Variants in ALDH3B2 observed in about 807,000 individuals in gnomAD.
ALDH3B2 encodes the protein aldehyde dehydrogenase 3 family member B2, also known as aldehyde dehydrogenase family 3 member B2.
In ALDH3B2, 45 loss-of-function variants were observed where a neutral mutation model predicts 36.7. The ratio of observed to expected loss-of-function variants is 1.23; its 90% confidence interval spans 0.97 to 1.57. The LOEUF is 1.57. Among genes scored for constraint, ALDH3B2 ranks in the 40% most tolerant of loss-of-function variants. The probability of loss-of-function intolerance (pLI) is 0.00; values close to 1 mark genes in which losing one functional copy is unlikely to be tolerated. For synonymous variants in ALDH3B2, 217 were observed against 226.5 expected (o/e 0.96, Z 0.38); for missense variants, 464 against 513.3 (o/e 0.90, Z 0.93).
chr11:67,667,499 C>T (rs181666182), exon 2 of ALDH3B2: 119 of 388,414 alleles, frequency 3.1e-4, no homozygotes, highest in African/African-American at 2.1e-3. Flanking sequence ...GCCAGCACGT[C>T]GCGCAGAAGC....
At chr11:67,679,594 A>G (rs962688104), upstream of ALDH3B2, among the ~76,000 whole-genome samples, 3 of 152,082 alleles carry the variant, frequency 2.0e-5, no homozygotes, top group Non-Finnish European at 4.4e-5. Flanking sequence ...CCTAGCTAAC[A>G]CAGTGAAACC....
chr11:67,674,510 G>C, exon 1 of ALDH3B2: 1 of 158,132 alleles, frequency 6.3e-6, no homozygotes, highest in South Asian at 2.0e-4. Context: ...CTCCAGATGC[G>C]CAGGCTCTGC....
rs1397505996 is a variant in ALDH3B2 at position 67,667,497 on chromosome 11, G to A, written c.-106C>T. ...CCTTATGCAGGTCCTGGGCCAGCAC[G>A]TCGCGCAGAAGCTGCTTGTTTTCTT... On this transcript the variant is annotated 5_prime_UTR_variant, in exon 2 of 10. The change creates a new upstream start codon in the 5' untranslated region. Coordinates refer to ENST00000349015, the Ensembl canonical transcript of ALDH3B2. 1.3e-5 allele frequency: 5 copies of A among 389,176 alleles called. No individual in the cohort carries two copies. Among genetic ancestry groups the A allele is most frequent in the African/African-American group, 2.1e-5 (1 of 47,220 alleles). The allele number at this position is 389,176 out of a possible 1,614,324, so 24.1% of individuals were successfully genotyped here. A position where few individuals can be genotyped will look rare whatever the true frequency, so the allele number is the denominator to read the frequency against.
intron 3 of ALDH3B2, 64 bp downstream of exon 3, chr11:67,666,842 G>C: frequency 6.2e-7 from 1 of 1,612,880 alleles, no homozygotes; most frequent in African/African-American, 1.3e-5. Context: ...GGGCAGAAGG[G>C]GGCCTGGGCC....
At chr11:67,673,371 A>G (rs1856185854) in intron 1 of ALDH3B2, among the ~76,000 whole-genome samples, 2 of 152,182 alleles carry the variant, frequency 1.3e-5, no homozygotes, top group Non-Finnish European at 2.9e-5. Context: ...TACACACGGA[A>G]CAATGACACC....
intron 1 of ALDH3B2, among the ~76,000 whole-genome samples, chr11:67,671,705 C>T (rs1158944393): frequency 6.6e-6 from 1 of 151,822 alleles, no homozygotes; most frequent in East Asian, 1.9e-4. Context: ...CACCACCACG[C>T]CCAAATAATT....
At chr11:67,669,692 CTG>C (rs1366195913) in intron 1 of ALDH3B2, among the ~76,000 whole-genome samples, 1 of 131,092 alleles carries the variant, frequency 7.6e-6, no homozygotes, top group African/African-American at 2.9e-5. Context: ...GTATGGGTGT[CTG>C]TGTGTGTATG....
chr11:67,675,860 CTGTTT>C (rs376706403), upstream of ALDH3B2, among the ~76,000 whole-genome samples: 3 of 152,184 alleles, frequency 2.0e-5, no homozygotes, highest in East Asian at 3.8e-4. Flanking sequence ...TCTCAATAAG[CTGTTT>C]TGTTTTGTTT....
intron 8 of ALDH3B2, chr11:67,664,193 C>A (rs1288117117): frequency 3.9e-6 from 3 of 773,128 alleles, no homozygotes; most frequent in Non-Finnish European, 6.2e-6. Context: ...AGGATGGACC[C>A]GCTAAGTGTC....
chr11:67,667,021 G>C lies in ALDH3B2; in HGVS notation c.-81-5C>G. 2.6e-6 allele frequency: 4 copies of C among 1,557,922 alleles called. No homozygotes were observed. The highest frequency in any genetic ancestry group is 3.5e-6 in the Non-Finnish European group (4 of 1,130,908). On this transcript the variant is annotated splice_region_variant and splice_polypyrimidine_tract_variant and intron_variant, in intron 2 of 9. Coordinates refer to ENST00000349015, the Ensembl canonical transcript of ALDH3B2. ...TATGTCTGCCTCGAAAGCTGGCTGT[G>C]GTGGAGGTGGAATTCAGAGTGGTCA... is the stretch of plus-strand genomic sequence containing the variant.
At chr11:67,663,723 G>C (rs766887079) in exon 9 of ALDH3B2, 10 of 1,613,046 alleles carry the variant, frequency 6.2e-6, no homozygotes, top group Non-Finnish European at 7.6e-6. Flanking sequence ...TGCCTCCAAA[G>C]CTGCCGCTGC....
chr11:67,672,515 G>A (rs556264504), intron 1 of ALDH3B2, among the ~76,000 whole-genome samples: 16 of 151,852 alleles, frequency 1.1e-4, no homozygotes, highest in Non-Finnish European at 1.9e-4. Flanking sequence ...GCTGTGTCCC[G>A]ACCACCTTGG....
At chr11:67,663,845 CCTCATCCT>C in intron 8 of ALDH3B2, 84 bp from the exon 9 acceptor site, 4 of 1,172,076 alleles carry the variant, frequency 3.4e-6, no homozygotes, top group Admixed American at 2.4e-5. Context: ...CGGAGGTGAG[CCTCATCCT>C]CACCTGCCCC....
At chr11:67,667,690 C>A (rs966173418) in intron 1 of ALDH3B2, 55 bp from the exon 2 acceptor site, 2 of 272,036 alleles carry the variant, frequency 7.4e-6, no homozygotes, top group East Asian at 7.7e-5. Flanking sequence ...CCTTCACGGG[C>A]ACCCTCCAGC....
At chr11:67,664,753 G>A (rs927597698) in intron 7 of ALDH3B2, among the ~76,000 whole-genome samples, 191 bp from the exon 8 acceptor site, 1 of 152,192 alleles carries the variant, frequency 6.6e-6, no homozygotes, top group Non-Finnish European at 1.5e-5. Flanking sequence ...GGGACCCTAG[G>A]GCTTCCCCAG....
In ALDH3B2 at chr11:67,665,398, G is replaced by A. The variant is rs61737913; in HGVS notation, c.593C>T (p.Ser198Phe). The A allele has an allele frequency of 2.8e-3, 4,503 of 1,614,084 alleles. 120 individuals are homozygous for A. The African/African-American group carries it at 0.055, about 20-fold the overall frequency. ...GTTGATGATGTGGCCCAGGTTTGGGGAGCTCTGGGGGTCGTCGCCATAGAA... is the reference window on the plus strand; with the variant it reads ...GTTGATGATGTGGCCCAGGTTTGGGAAGCTCTGGGGGTCGTCGCCATAGAA... The change falls in exon 7 of 10, where the codon TCC (serine) becomes TTC (phenylalanine). Residue 198 changes from serine to phenylalanine, a missense_variant. Transcript: ENST00000349015.
In ALDH3B2 at chr11:67,666,416, G is replaced by A; in HGVS notation, c.152-15C>T. ...CACGCAACTCCCTGCAGGGGCAGATGGGGACGTCGTTGGGGGAGCCCAGGG... is the reference window on the plus strand; with the variant it reads ...CACGCAACTCCCTGCAGGGGCAGATAGGGACGTCGTTGGGGGAGCCCAGGG... On this transcript the variant is annotated splice_polypyrimidine_tract_variant and intron_variant, in intron 4 of 9. Coordinates refer to ENST00000349015, the Ensembl canonical transcript of ALDH3B2. The A allele has an allele frequency of 1.2e-6, 2 of 1,608,288 alleles. No homozygotes were observed. The highest frequency in any genetic ancestry group is 1.7e-6 in the Non-Finnish European group (2 of 1,177,378).
At chr11:67,680,219 C>G (rs1453226467) in intron 1 of ALDH3B2, among the ~76,000 whole-genome samples, 1 of 152,158 alleles carries the variant, frequency 6.6e-6, no homozygotes, top group Non-Finnish European at 1.5e-5. Context: ...GAGGCTGAGG[C>G]AGGAGAATCA....
Position 67,667,644 on chromosome 11 carries a change from T to A in ALDH3B2, c.-244-9A>T. ...CCTCGAAGGGGTCCATCCTGCCGGA[T>A]GGGGTGGCTTGAACTGGGTGGCCAG... On this transcript the variant is annotated splice_polypyrimidine_tract_variant and intron_variant, in intron 1 of 9. Transcript: ENST00000349015. 1 of 326,494 alleles carries A rather than the reference T, an allele frequency of 3.1e-6. No individual in the cohort carries two copies. The highest frequency in any genetic ancestry group is 5.2e-6 in the Non-Finnish European group (1 of 193,322). The allele number at this position is 326,494 out of a possible 1,614,324, so 20.2% of individuals were successfully genotyped here.
Sources: allele counts gnomAD v4.1 joint callset (sites outside exome capture counted in the v4.1 genomes callset), GRCh38; gene constraint gnomAD v4.1.1; transcripts MANE v1.5; gene names NCBI Gene and HGNC (gene_info 2026-07-23, HGNC 2026-07-21).